IQUB: variants seen among roughly 807,000 people sequenced by gnomAD.
IQUB encodes the protein IQ motif and ubiquitin-like domain-containing protein.
In IQUB, 86 loss-of-function variants were observed where a neutral mutation model predicts 86.4. That is an observed-to-expected ratio of 1.00 (90% CI 0.84 to 1.19). The LOEUF (loss-of-function observed/expected upper bound fraction) is 1.19, where lower values mean the gene tolerates loss of function less well. IQUB is among the 50% of genes most tolerant of loss of function. The pLI is 0.00. For missense variants in IQUB, 946 were observed against 916.9 expected (o/e 1.03, Z -0.41); for synonymous variants, 289 against 304.5 (o/e 0.95, Z 0.53).
intron 8 of IQUB, among the ~76,000 whole-genome samples, chr7:123,475,326 C>A (rs1275252619): frequency 1.3e-5 from 2 of 151,496 alleles, no homozygotes; most frequent in African/African-American, 2.4e-5. Context: ...GATCTTCCTT[C>A]CTCCTAGGAA....
At chr7:123,529,724 T>TAAAAA (rs753026777) in intron 1 of IQUB, among the ~76,000 whole-genome samples, 3,007 of 35,800 alleles carry the variant, frequency 0.084, 728 homozygotes, top group East Asian at 0.18. Context: ...TGTCTCTACT[T>TAAAAA]AAAAAAAAAA....
intron 9 of IQUB, 55 bp downstream of exon 9, chr7:123,469,159 A>T: frequency 1.8e-6 from 2 of 1,109,270 alleles, no homozygotes; most frequent in African/African-American, 1.6e-5. Context: ...TATTTCATTA[A>T]TTTTTTTTTA....
intron 8 of IQUB, among the ~76,000 whole-genome samples, chr7:123,474,982 T>A (rs1051492634): frequency 1.3e-5 from 2 of 152,212 alleles, no homozygotes; most frequent in African/African-American, 4.8e-5. Context: ...TCTCTGCCTT[T>A]CACCTTTGTG....
At chr7:123,459,983 T>C (rs1046630112) in intron 11 of IQUB, 2 of 151,990 alleles carry the variant, frequency 1.3e-5, no homozygotes, top group African/African-American at 4.8e-5. Flanking sequence ...TCAGAATAAG[T>C]AGACTGAGAT....
intron 12 of IQUB, 24 bp downstream of exon 12, chr7:123,457,357 C>T (rs1389229979): frequency 6.2e-7 from 1 of 1,600,994 alleles, no homozygotes; most frequent in Non-Finnish European, 8.5e-7. Context: ...AATTAACTTC[C>T]CAAATAAAAT....
rs1412430099 is a variant in IQUB, at chr7:123,527,695, G to A, written c.-5+6797C>T. 2.0e-5 allele frequency among the ~76,000 whole-genome samples: 3 copies of A among 152,144 alleles called. No homozygotes were observed. The East Asian group carries it at 5.8e-4, about 29-fold the overall frequency. On this transcript the variant is annotated intron_variant, in intron 1 of 12. Coordinates refer to ENST00000324698, the MANE Select transcript of IQUB (RefSeq NM_178827.5). ...GTTCTCAGATCTCCAGCTGCGTGCT[G>A]GGAGAACCACTGCTCTCTTCAAAGC...
chr7:123,459,312 G>A lies in IQUB; in HGVS notation c.2008-1746C>T, dbSNP rs367544737. On this transcript the variant is annotated intron_variant, in intron 11 of 12. Coordinates refer to ENST00000324698, the MANE Select transcript of IQUB (RefSeq NM_178827.5). ...CGGATACCCAGATATTTGGTCAAAC[G>A]GTATTCTGGTGTTTATGTGAGGGTA... 2.6e-5 allele frequency among the ~76,000 whole-genome samples: 4 copies of A among 151,812 alleles called. No individual in the cohort carries two copies. In the East Asian group the frequency reaches 5.8e-4, roughly 22 times the overall value.
intron 8 of IQUB, among the ~76,000 whole-genome samples, chr7:123,476,042 T>G (rs563514410): frequency 1.1e-4 from 16 of 152,344 alleles, no homozygotes; most frequent in African/African-American, 3.6e-4. Context: ...CCACTATTTC[T>G]GTCCCTTATT....
chr7:123,462,701 A>ATTTAT (rs1794053022), intron 10 of IQUB: 1 of 333,464 alleles, frequency 3.0e-6, no homozygotes, highest in African/African-American at 2.2e-5. Context: ...TTGAATGATT[A>ATTTAT]TTTTATCTTC....
chr7:123,480,041 A>G (rs1277492366), intron 7 of IQUB, 71 bp from the exon 8 acceptor site: 4 of 1,161,968 alleles, frequency 3.4e-6, no homozygotes, highest in Non-Finnish European at 4.9e-6. Flanking sequence ...CCTGATGAGG[A>G]GTATTTTATT....
intron 1 of IQUB, among the ~76,000 whole-genome samples, chr7:123,517,579 A>C (rs1295000822): frequency 6.8e-6 from 1 of 147,922 alleles, no homozygotes; most frequent in African/African-American, 2.5e-5. Flanking sequence ...TATATCTTTT[A>C]AGACTGTTCA....
At chr7:123,534,285 G>C (rs543270316) in intron 1 of IQUB, among the ~76,000 whole-genome samples, 3 of 152,114 alleles carry the variant, frequency 2.0e-5, no homozygotes, top group Admixed American at 6.5e-5. Flanking sequence ...GAGAGGGGAA[G>C]CCAAAAAAGG....
At chr7:123,462,668 G>A (rs1002867681) in intron 10 of IQUB, 5 of 269,200 alleles carry the variant, frequency 1.9e-5, no homozygotes, top group Non-Finnish European at 3.1e-5. Flanking sequence ...TTCTTATTCT[G>A]AGATTTACAC....
intron 7 of IQUB, among the ~76,000 whole-genome samples, chr7:123,495,085 T>G (rs1795650340): frequency 6.6e-6 from 1 of 152,148 alleles, no homozygotes; most frequent in Non-Finnish European, 1.5e-5. Context: ...TGACACTTAA[T>G]AATCTTTGTT....
chr7:123,530,264 C>T lies in IQUB; in HGVS notation c.-5+4228G>A, dbSNP rs185585458. Among the ~76,000 whole-genome samples the T allele has an allele frequency of 7.1e-3, 1,066 of 150,798 alleles. 14 individuals are homozygous for T. The highest frequency in any genetic ancestry group is 0.025 in the African/African-American group (1,013 of 40,942). On this transcript the variant is annotated intron_variant, in intron 1 of 12. Coordinates refer to ENST00000324698, the MANE Select transcript of IQUB (RefSeq NM_178827.5). Reference sequence around the variant, plus strand: ...CATCCCGGCCAACATGGTGAAACCCCGTCTCTACTAAAATACAAAAAATTA... The same window carrying T: ...CATCCCGGCCAACATGGTGAAACCCTGTCTCTACTAAAATACAAAAAATTA...
chr7:123,525,600 T>G (rs1430099909), intron 1 of IQUB, among the ~76,000 whole-genome samples: 2 of 152,320 alleles, frequency 1.3e-5, no homozygotes, highest in East Asian at 3.9e-4. Context: ...CTTTTTTTCT[T>G]TATTCGTCTT....
At chr7:123,495,987 G>T (rs993523455) in intron 7 of IQUB, among the ~76,000 whole-genome samples, 7 of 152,052 alleles carry the variant, frequency 4.6e-5, no homozygotes, top group African/African-American at 1.7e-4. Flanking sequence ...AGTTTCAGGT[G>T]CAATGAGGAC....
At chr7:123,495,656 A>C (rs1264286785) in intron 7 of IQUB, among the ~76,000 whole-genome samples, 1 of 151,998 alleles carries the variant, frequency 6.6e-6, no homozygotes, top group East Asian at 1.9e-4. Flanking sequence ...TAATTTCTCC[A>C]CTCTCAGATA....
At chr7:123,502,489 A>G in intron 6 of IQUB, 108 bp downstream of exon 6, 4 of 922,394 alleles carry the variant, frequency 4.3e-6, no homozygotes, top group Non-Finnish European at 5.1e-6. Flanking sequence ...ACCCATACTC[A>G]TGAGCATTCT....
Sources: allele counts gnomAD v4.1 joint callset (sites outside exome capture counted in the v4.1 genomes callset), GRCh38; gene constraint gnomAD v4.1.1; transcripts MANE v1.5; gene names NCBI Gene and HGNC (gene_info 2026-07-23, HGNC 2026-07-21).